Variants in CDC23 observed in about 807,000 individuals in gnomAD.
The protein encoded by CDC23 is cell division cycle protein 23 homolog.
In CDC23, 26 loss-of-function variants were observed where a neutral mutation model predicts 81.7. That is an observed-to-expected ratio of 0.32 (90% confidence interval 0.23 to 0.44). CDC23 has a LOEUF of 0.44. Among genes scored for constraint, CDC23 ranks in the 20% least tolerant of loss-of-function variants. CDC23 has a pLI of 1.00. For synonymous variants in CDC23, 267 were observed against 270.8 expected (o/e 0.99, Z 0.14); for missense variants, 519 against 728.0 (o/e 0.71, Z 3.30).
At chr5:138,195,755 ATACATATATTATATAT>A (rs1754893979) in intron 9 of CDC23, among the ~76,000 whole-genome samples, 1 of 120,270 alleles carries the variant, frequency 8.3e-6, no homozygotes, top group Admixed American at 1.1e-4. Context: ...ATGTATATAT[ATACATATATTATATAT>A]GTGTATATAT....
chr5:138,207,937 A>AT (rs1755071037), intron 2 of CDC23, among the ~76,000 whole-genome samples: 1 of 151,856 alleles, frequency 6.6e-6, no homozygotes, highest in Non-Finnish European at 1.5e-5. Flanking sequence ...CAAAAAAAAA[A>AT]CAAAAAACAA....
At chr5:138,210,646 A>C (rs1755103435) in intron 2 of CDC23, among the ~76,000 whole-genome samples, 1 of 152,240 alleles carries the variant, frequency 6.6e-6, no homozygotes, top group South Asian at 2.1e-4. Context: ...AGAAGACCTG[A>C]AAACACTAAG....
rs1754791773 is a variant in CDC23 at position 138,189,011 on chromosome 5, A to T, written c.1761T>A (p.Val587=). The change falls in exon 16 of 16, where the codon GTT becomes GTA. Residue 587 remains valine, a synonymous_variant. Coordinates refer to ENST00000394886, the MANE Select transcript of CDC23 (RefSeq NM_004661.4). ...TGACAGAAGACAAGTTGAGTGGAGA[A>T]ACTCTGCGTGTGGGGGTATTGTTAG... is the stretch of plus-strand genomic sequence containing the variant. ...LSANNTPTRR[V]SPLNLSSVTP 1 of 1,614,014 alleles carries T rather than the reference A, an allele frequency of 6.2e-7. No homozygotes were observed. The highest frequency in any genetic ancestry group is 8.5e-7 in the Non-Finnish European group (1 of 1,179,962).
intron 13 of CDC23, 51 bp downstream of exon 13, chr5:138,191,423 T>C (rs1051769651): frequency 6.6e-7 from 1 of 1,506,142 alleles, no homozygotes. Context: ...GGACCCACCA[T>C]CCCAGAGAAG....
chr5:138,203,727 C>T lies in CDC23; in HGVS notation c.373-1572G>A, dbSNP rs62381791. Among the ~76,000 whole-genome samples the T allele has an allele frequency of 7.8e-3, 1,182 of 151,894 alleles. 6 individuals are homozygous for T. The highest frequency in any genetic ancestry group is 0.013 in the Non-Finnish European group (903 of 67,940). ...AGGAGTTCCAGAGCAGCCTGGTCAA[C>T]GTGGCGAAACCCCGTCCCTACTAAA... On this transcript the variant is annotated intron_variant, in intron 3 of 15. Transcript: ENST00000394886.
At chr5:138,202,019 C>A in intron 4 of CDC23, 94 bp downstream of exon 4, 1 of 848,486 alleles carries the variant, frequency 1.2e-6, no homozygotes, top group East Asian at 2.6e-5. Flanking sequence ...AATGGTTATC[C>A]TCAGACCATT....
intron 9 of CDC23, among the ~76,000 whole-genome samples, chr5:138,196,537 TTGGCCTCCCAAAGTGC>T (rs990710814): frequency 2.0e-5 from 3 of 151,922 alleles, no homozygotes; most frequent in Non-Finnish European, 4.4e-5. Flanking sequence ...TCCACCCGCC[TTGGCCTCCCAAAGTGC>T]TGGGATTACA....
chr5:138,188,054 A>G lies in CDC23; in HGVS notation c.*924T>C, dbSNP rs1581481230. ...AGGCCTGAAACTCTCCAAGAGCACCATAAGAATGATTCCCTTTACCTCATC... is the reference window on the plus strand; with the variant it reads ...AGGCCTGAAACTCTCCAAGAGCACCGTAAGAATGATTCCCTTTACCTCATC... On this transcript the variant is annotated 3_prime_UTR_variant, in exon 16 of 16. Coordinates refer to ENST00000394886, the MANE Select transcript of CDC23 (RefSeq NM_004661.4). 6.6e-6 allele frequency: 1 copy of G among 152,292 alleles called. No individual in the cohort carries two copies. Among genetic ancestry groups the G allele is most frequent in the African/African-American group, 2.4e-5 (1 of 41,458 alleles). The allele number at this position is 152,292 out of a possible 1,614,324, so 9.4% of individuals were successfully genotyped here.
intron 15 of CDC23, 25 bp from the exon 16 acceptor site, chr5:138,189,173 T>C (rs1376771821): frequency 1.2e-6 from 2 of 1,606,394 alleles, no homozygotes; most frequent in South Asian, 2.2e-5. Context: ...GGGAAATGTT[T>C]CAAAACATGT....
intron 2 of CDC23, among the ~76,000 whole-genome samples, chr5:138,211,778 ATC>A (rs1434085618): frequency 6.6e-6 from 1 of 152,222 alleles, no homozygotes; most frequent in Non-Finnish European, 1.5e-5. Context: ...CATGTAGCAA[ATC>A]TGCACAAGTA....
chr5:138,192,085 T>C, intron 11 of CDC23, 148 bp from the exon 12 acceptor site: 1 of 913,934 alleles, frequency 1.1e-6, no homozygotes. Context: ...GTGTTCATAA[T>C]TATACTATTA....
intron 9 of CDC23, among the ~76,000 whole-genome samples, chr5:138,195,700 C>CATATATACATATAATATATATGT (rs1561634080): frequency 6.3e-5 from 6 of 94,744 alleles, no homozygotes; most frequent in African/African-American, 2.6e-4. Context: ...AATATATATG[C>CATATATACATATAATATATATGT]ATATATACAT....
chr5:138,201,910 G>T (rs1180230954), intron 4 of CDC23, among the ~76,000 whole-genome samples: 2 of 152,170 alleles, frequency 1.3e-5, no homozygotes, highest in Non-Finnish European at 2.9e-5. Context: ...GCCAAGGGAA[G>T]AAAGCCATCA....
At chr5:138,210,092 T>C (rs1755097256) in intron 2 of CDC23, among the ~76,000 whole-genome samples, 1 of 151,240 alleles carries the variant, frequency 6.6e-6, no homozygotes, top group African/African-American at 2.4e-5. Context: ...GGCATGCACC[T>C]GTAATCCCAG....
chr5:138,212,884 A>G lies in CDC23; in HGVS notation c.234+107T>C. On this transcript the variant is annotated intron_variant, in intron 2 of 15. Transcript: ENST00000394886. ...TTTGAATGCCTGAATTCCCTCTACA[A>G]ACATTTCTGCTAAGCAGTTTGCTCT... is the stretch of plus-strand genomic sequence containing the variant. 5.8e-6 allele frequency: 5 copies of G among 854,718 alleles called. No individual in the cohort carries two copies. In the South Asian group the frequency reaches 7.1e-5, roughly 12 times the overall value. The allele number at this position is 854,718 out of a possible 1,614,324, so 52.9% of individuals were successfully genotyped here.
rs765269650 is a variant in CDC23 at position 138,189,931 on chromosome 5, T to A, written c.1425-25A>T. The A allele has an allele frequency of 3.1e-6, 5 of 1,603,842 alleles. No homozygotes were observed. In the Admixed American group the frequency reaches 6.7e-5, roughly 22 times the overall value. On this transcript the variant is annotated intron_variant, in intron 13 of 15. Transcript: ENST00000394886. The stretch of plus-strand genomic sequence containing the variant: ...CCTACAAAAGAAACTGATCTTTAAA[T>A]ACCAATGATATCCCAAAGCAACTTA...
chr5:138,189,548 T>C lies in CDC23; in HGVS notation c.1623+85A>G. ...TGTTGGGATTATAGGTGTGAGCCGC[T>C]TGCCTGGCCAAGGTAGGCTTTCCAC... On this transcript the variant is annotated intron_variant, in intron 15 of 15. Coordinates refer to ENST00000394886, the MANE Select transcript of CDC23 (RefSeq NM_004661.4). 7 of 1,395,852 alleles carry C rather than the reference T, an allele frequency of 5.0e-6. No homozygotes were observed. The South Asian group carries it at 5.3e-5, about 11-fold the overall frequency. 86.5% of individuals were successfully genotyped at this position (1,395,852 alleles called of 1,614,324 possible). A position where few individuals can be genotyped will look rare whatever the true frequency, so the allele number is the denominator to read the frequency against.
At chr5:138,203,244 T>C (rs1235247225) in intron 3 of CDC23, among the ~76,000 whole-genome samples, 3 of 152,222 alleles carry the variant, frequency 2.0e-5, no homozygotes, top group Non-Finnish European at 2.9e-5. Context: ...TGAACCCTAA[T>C]GTAAACTGTG....
At chr5:138,194,179 G>C (rs1754858095) in intron 9 of CDC23, among the ~76,000 whole-genome samples, 1 of 152,110 alleles carries the variant, frequency 6.6e-6, no homozygotes, top group Non-Finnish European at 1.5e-5. Flanking sequence ...GCTACAATAT[G>C]GATGAACCTC....
Sources: allele counts gnomAD v4.1 joint callset (sites outside exome capture counted in the v4.1 genomes callset), GRCh38; gene constraint gnomAD v4.1.1; transcripts MANE v1.5; gene names NCBI Gene and HGNC (gene_info 2026-07-23, HGNC 2026-07-21).